The following RAD54L variants were observed in gnomAD, a reference collection of about 807,000 sequenced individuals.
RAD54L encodes the protein RAD54 like.
A neutral mutation model predicts 91.6 loss-of-function variants in RAD54L; 74 were observed. The observed-to-expected ratio is 0.81, with a 90% confidence interval of 0.67 to 0.98. RAD54L has a LOEUF of 0.98. Among genes scored for constraint, RAD54L ranks in the 50% least tolerant of loss-of-function variants. The pLI is 0.00. For synonymous variants in RAD54L, 304 were observed against 349.7 expected, an observed-to-expected ratio of 0.87 and a Z score of 1.46; for missense variants, 887 against 945.7, an observed-to-expected ratio of 0.94 and a Z score of 0.81.
chr1:46,250,261 G>A, intron 3 of RAD54L, 142 bp downstream of exon 3: 2 of 1,163,550 alleles, frequency 1.7e-6, no homozygotes, highest in Non-Finnish European at 2.5e-6. Flanking sequence ...CCTGCCCACA[G>A]CTGCTGGGGC....
chr1:46,274,059 T>TA (rs1341408694), intron 14 of RAD54L, 79 bp from the exon 15 acceptor site: 20 of 1,409,026 alleles, frequency 1.4e-5, no homozygotes, highest in Non-Finnish European at 1.8e-5. Flanking sequence ...TGGGTCTTTT[T>TA]AAAAAAATTT....
chr1:46,272,776 T>A lies in RAD54L; in HGVS notation c.1349T>A (p.Ile450Asn). Residue 450 changes from isoleucine (I) to asparagine (N), a missense_variant, in exon 12 of 18, where the codon ATC (isoleucine) becomes AAC (asparagine). Coordinates refer to ENST00000371975, the MANE Select transcript of RAD54L (RefSeq NM_003579.4). ...GKMSVSSLSS[I>N]TSLKKLCNHP... ...ATGAGTGTGTCTTCCCTTTCTTCCATCACCTCGCTAAAGAAGCTTTGTAAT... is the reference window on the plus strand; with the variant it reads ...ATGAGTGTGTCTTCCCTTTCTTCCAACACCTCGCTAAAGAAGCTTTGTAAT... 1 of 1,614,188 alleles carries A rather than the reference T, an allele frequency of 6.2e-7. No homozygotes were observed. Among genetic ancestry groups the A allele is most frequent in the South Asian group, 1.1e-5 (1 of 91,086 alleles).
intron 3 of RAD54L, among the ~76,000 whole-genome samples, chr1:46,256,754 G>T (rs1659953195): frequency 6.6e-6 from 1 of 152,168 alleles, no homozygotes; most frequent in South Asian, 2.1e-4. Context: ...GTGTGATGTT[G>T]TCATGTTATT....
intron 3 of RAD54L, among the ~76,000 whole-genome samples, chr1:46,250,607 A>G (rs1363808101): frequency 6.6e-6 from 1 of 152,228 alleles, no homozygotes; most frequent in Non-Finnish European, 1.5e-5. Context: ...ACTAAGCTTT[A>G]TGAGGAATGT....
intron 8 of RAD54L, among the ~76,000 whole-genome samples, chr1:46,262,185 G>A (rs1322393323): frequency 6.6e-6 from 1 of 151,884 alleles, no homozygotes; most frequent in African/African-American, 2.4e-5. Context: ...AGGCTGAGGC[G>A]GGCGGATCAT....
At chr1:46,268,151 A>G (rs960609152) in intron 9 of RAD54L, among the ~76,000 whole-genome samples, 4 of 151,796 alleles carry the variant, frequency 2.6e-5, no homozygotes, top group Non-Finnish European at 5.9e-5. Context: ...TGGGAAGATC[A>G]CTTGAGGCCA....
rs28363231 is a variant in RAD54L at position 46,268,475 on chromosome 1, A to G, written c.1042+866A>G. ...TGAGTGGCAAGATTATGACCAAGTG[A>G]ACACATTTGTGTAACCACCATCAGA... On this transcript the variant is annotated intron_variant, in intron 9 of 17. Transcript: ENST00000371975. Among the ~76,000 whole-genome samples, 394 of 152,316 alleles carry G rather than the reference A, an allele frequency of 2.6e-3. 2 individuals are homozygous for G. Among genetic ancestry groups the G allele is most frequent in the Non-Finnish European group, 3.8e-3 (256 of 68,020 alleles).
At chr1:46,259,706 G>A (rs1660043237) in intron 4 of RAD54L, among the ~76,000 whole-genome samples, 1 of 151,782 alleles carries the variant, frequency 6.6e-6, no homozygotes, top group South Asian at 2.1e-4. Flanking sequence ...AACCTGGGAG[G>A]CAGAGGTTGC....
chr1:46,257,323 C>T (rs1199007780), intron 3 of RAD54L, among the ~76,000 whole-genome samples: 1 of 151,788 alleles, frequency 6.6e-6, no homozygotes, highest in African/African-American at 2.4e-5. Context: ...ACTGCTTTTT[C>T]CACTAATATA....
At chr1:46,261,194 T>G (rs904440907) in intron 7 of RAD54L, 67 bp from the exon 8 acceptor site, 29 of 1,592,808 alleles carry the variant, frequency 1.8e-5, no homozygotes, top group Non-Finnish European at 2.2e-5. Context: ...ACTGTCTAAT[T>G]GTTTTTTTTG....
Position 46,273,662 on chromosome 1 carries a change from CGAA to C in RAD54L, c.1527_1529del (p.Ser510del). 1.9e-6 allele frequency: 3 copies of C among 1,613,916 alleles called. No homozygotes were observed. The highest frequency in any genetic ancestry group is 2.5e-6 in the Non-Finnish European group (3 of 1,180,000). On this transcript the variant is annotated inframe_deletion, in exon 14 of 18. Coordinates refer to ENST00000371975, the MANE Select transcript of RAD54L (RefSeq NM_003579.4). ...CCTGGATTATATTCTGGCGGTGACC[CGAA>C]GCCGTAGCAGTGACAAAGTAGTGCT...
intron 3 of RAD54L, among the ~76,000 whole-genome samples, chr1:46,253,900 GA>G (rs973587432): frequency 6.6e-5 from 10 of 150,742 alleles, no homozygotes; most frequent in East Asian, 3.9e-4. Flanking sequence ...GAAATCAGAA[GA>G]AAAAAAATAC....
chr1:46,264,991 G>A (rs547638079), intron 8 of RAD54L, among the ~76,000 whole-genome samples: 1 of 152,130 alleles, frequency 6.6e-6, no homozygotes, highest in Non-Finnish European at 1.5e-5. Flanking sequence ...TGCCTTTTAT[G>A]TGTCAAGCCC....
intron 9 of RAD54L, among the ~76,000 whole-genome samples, chr1:46,269,303 C>T (rs1333120243): frequency 6.6e-6 from 1 of 150,716 alleles, no homozygotes; most frequent in African/African-American, 2.4e-5. Flanking sequence ...AATATTCCAA[C>T]TATAGTCTTT....
intron 16 of RAD54L, chr1:46,277,468 A>G (rs554064302): frequency 5.3e-6 from 2 of 378,254 alleles, no homozygotes; most frequent in South Asian, 2.4e-5. Context: ...GGAATAGAAT[A>G]GATACCTAAA....
In RAD54L at chr1:46,248,387, T is replaced by C. The variant is rs1431608460; in HGVS notation, c.-19T>C. The C allele has an allele frequency of 2.5e-6, 4 of 1,613,666 alleles. No homozygotes were observed. The South Asian group carries it at 4.4e-5, about 18-fold the overall frequency. On this transcript the variant is annotated 5_prime_UTR_variant, in exon 1 of 18. Coordinates refer to ENST00000371975, the MANE Select transcript of RAD54L (RefSeq NM_003579.4). ...CTTTGGCTCATGGGTACTTGACGTTTTAAACTCCTAGGCCCAGGATGGTAA... is the reference window on the plus strand; with the variant it reads ...CTTTGGCTCATGGGTACTTGACGTTCTAAACTCCTAGGCCCAGGATGGTAA...
intron 12 of RAD54L, among the ~76,000 whole-genome samples, 153 bp from the exon 13 acceptor site, chr1:46,273,201 AC>A (rs1489554051): frequency 6.6e-6 from 1 of 152,220 alleles, no homozygotes. Flanking sequence ...GATGGCACCG[AC>A]TATATCCTGT....
chr1:46,262,844 G>A (rs1277459177), intron 8 of RAD54L, among the ~76,000 whole-genome samples: 1 of 152,076 alleles, frequency 6.6e-6, no homozygotes, highest in African/African-American at 2.4e-5. Context: ...TCCTTTCACA[G>A]GGAACAGGTT....
At chr1:46,262,135 C>T (rs925812263) in intron 8 of RAD54L, among the ~76,000 whole-genome samples, 2 of 151,602 alleles carry the variant, frequency 1.3e-5, no homozygotes, top group African/African-American at 4.9e-5. Flanking sequence ...CACATATGAC[C>T]GGGCGCGGTG....
Sources: allele counts gnomAD v4.1 joint callset (sites outside exome capture counted in the v4.1 genomes callset), GRCh38; gene constraint gnomAD v4.1.1; transcripts MANE v1.5; gene names NCBI Gene and HGNC (gene_info 2026-07-23, HGNC 2026-07-21).